Variants in RARB observed in about 807,000 individuals in gnomAD.
RARB encodes HBV-activated protein.
Under a neutral mutation model 51.9 loss-of-function variants are expected in RARB, and 17 were observed. The observed-to-expected ratio is 0.33, with a 90% CI of 0.22 to 0.49. The LOEUF (loss-of-function observed/expected upper bound fraction) is 0.49, where lower values mean the gene tolerates loss of function less well. Among genes scored for constraint, RARB ranks in the 20% least tolerant of loss-of-function variants. RARB has a pLI of 0.99. For synonymous variants in RARB, 215 were observed against 195.4 expected (o/e 1.10, Z -0.84); for missense variants, 369 against 550.8 (o/e 0.67, Z 3.30).
At chr3:24,895,446 C>T (rs923522362) in intron 2 of RARB, among the ~76,000 whole-genome samples, 2 of 152,082 alleles carry the variant, frequency 1.3e-5, no homozygotes, top group African/African-American at 4.8e-5. Flanking sequence ...GGGATGAAGC[C>T]CTAGAGTTTG....
At chr3:25,525,216 G>A (rs1264055618) in intron 3 of RARB, among the ~76,000 whole-genome samples, 2 of 152,182 alleles carry the variant, frequency 1.3e-5, no homozygotes, top group Admixed American at 1.3e-4. Flanking sequence ...ATCTAGCTCA[G>A]AAAGAAAATT....
At chr3:25,441,344 T>G in intron 1 of RARB, 1 of 359,420 alleles carries the variant, frequency 2.8e-6, no homozygotes. Context: ...GGAAGGGAAG[T>G]TTGCGAATCA....
At chr3:25,067,703 A>G (rs1365897578) in intron 3 of RARB, among the ~76,000 whole-genome samples, 1 of 152,120 alleles carries the variant, frequency 6.6e-6, no homozygotes, top group African/African-American at 2.4e-5. Context: ...TTCTCCTCCT[A>G]TGCTTGCACC....
intron 3 of RARB, among the ~76,000 whole-genome samples, chr3:25,546,411 A>G (rs1699618710): frequency 6.6e-6 from 1 of 152,124 alleles, no homozygotes; most frequent in African/African-American, 2.4e-5. Context: ...AGCTAACCCG[A>G]TGAGAGGTGC....
chr3:25,577,312 T>C (rs1336763385), intron 4 of RARB, among the ~76,000 whole-genome samples: 2 of 152,088 alleles, frequency 1.3e-5, no homozygotes, highest in Non-Finnish European at 2.9e-5. Context: ...CTGTGAAAAG[T>C]AAAGAGAGTC....
chr3:25,120,735 T>C (rs1201309483), intron 3 of RARB, among the ~76,000 whole-genome samples: 1 of 152,154 alleles, frequency 6.6e-6, no homozygotes, highest in South Asian at 2.1e-4. Flanking sequence ...TCCATGAAGA[T>C]GAATGACCTA....
intron 2 of RARB, among the ~76,000 whole-genome samples, chr3:25,011,429 T>C (rs1019087371): frequency 1.3e-5 from 2 of 152,080 alleles, no homozygotes; most frequent in African/African-American, 4.8e-5. Flanking sequence ...GTCTAAAACT[T>C]TGTTAATGGT....
intron 5 of RARB, among the ~76,000 whole-genome samples, chr3:25,177,632 T>A (rs1700781792): frequency 6.6e-6 from 1 of 152,196 alleles, no homozygotes; most frequent in African/African-American, 2.4e-5. Flanking sequence ...AAGAACAATT[T>A]CCATAGCAGC....
At chr3:25,497,397 C>G (rs1243933343) in intron 2 of RARB, among the ~76,000 whole-genome samples, 2 of 152,200 alleles carry the variant, frequency 1.3e-5, no homozygotes, top group African/African-American at 2.4e-5. Context: ...TAGACAGTCT[C>G]TCTTTCCTTA....
intron 5 of RARB, among the ~76,000 whole-genome samples, chr3:25,307,747 T>C (rs1158477300): frequency 1.3e-5 from 2 of 152,158 alleles, no homozygotes; most frequent in African/African-American, 2.4e-5. Flanking sequence ...ACAGAGGGTG[T>C]AGATTTCTTA....
intron 5 of RARB, among the ~76,000 whole-genome samples, chr3:25,181,608 G>C (rs192885090): frequency 6.6e-6 from 1 of 152,118 alleles, no homozygotes; most frequent in Non-Finnish European, 1.5e-5. Flanking sequence ...ATGACTTTCC[G>C]ATGTCCCACC....
chr3:25,147,168 A>T (rs1252900179), intron 4 of RARB, among the ~76,000 whole-genome samples: 5 of 152,142 alleles, frequency 3.3e-5, no homozygotes, highest in African/African-American at 1.2e-4. Flanking sequence ...GAAAATTTTG[A>T]TTCAGTTTTG....
chr3:25,257,147 T>G (rs1465926982), intron 5 of RARB, among the ~76,000 whole-genome samples: 1 of 152,116 alleles, frequency 6.6e-6, no homozygotes, highest in Non-Finnish European at 1.5e-5. Context: ...TGGTTGACAG[T>G]AAGTTCAGCA....
At chr3:25,076,996 T>G (rs1433881796) in intron 3 of RARB, among the ~76,000 whole-genome samples, 2 of 152,234 alleles carry the variant, frequency 1.3e-5, no homozygotes, top group Admixed American at 6.5e-5. Flanking sequence ...TTTCCCAGTC[T>G]TTCAGATTTG....
At chr3:25,053,955 T>C (rs1433552898) in intron 2 of RARB, among the ~76,000 whole-genome samples, 2 of 152,152 alleles carry the variant, frequency 1.3e-5, no homozygotes, top group African/African-American at 4.8e-5. Context: ...GTAATCCCAT[T>C]CATCCTACAG....
intron 1 of RARB, among the ~76,000 whole-genome samples, chr3:25,449,856 A>G (rs1395516709): frequency 6.6e-6 from 1 of 151,638 alleles, no homozygotes; most frequent in Non-Finnish European, 1.5e-5. Context: ...GGTTCAAGCA[A>G]TTCTCCTGCC....
At chr3:25,028,838 G>C (rs1697807736) in intron 2 of RARB, among the ~76,000 whole-genome samples, 1 of 152,190 alleles carries the variant, frequency 6.6e-6, no homozygotes, top group African/African-American at 2.4e-5. Flanking sequence ...AAGCCCTGCT[G>C]GAGAGTTGGC....
At chr3:25,011,552 C>T (rs4482636) in intron 2 of RARB, among the ~76,000 whole-genome samples, 103,759 of 151,934 alleles carry the variant, frequency 0.68, 35,610 homozygotes, top group East Asian at 0.77. Flanking sequence ...GAAACTAAGG[C>T]TCAATGAGGT....
intron 2 of RARB, among the ~76,000 whole-genome samples, chr3:25,044,004 T>C (rs1698164097): frequency 6.6e-6 from 1 of 151,528 alleles, no homozygotes; most frequent in African/African-American, 2.4e-5. Flanking sequence ...ATTGAGGCTC[T>C]GCAGACCTCT....
Sources: allele counts gnomAD v4.1 joint callset (sites outside exome capture counted in the v4.1 genomes callset), GRCh38; gene constraint gnomAD v4.1.1; transcripts MANE v1.5; gene names NCBI Gene and HGNC (gene_info 2026-07-23, HGNC 2026-07-21).